The following CFLAR variants were observed in gnomAD, a reference collection of about 807,000 sequenced individuals.
CFLAR encodes CASP8 and FADD-like apoptosis regulator.
In CFLAR, 14 loss-of-function variants were observed where a neutral mutation model predicts 51.1. The observed-to-expected ratio is 0.27, with a 90% CI of 0.18 to 0.43. The LOEUF (loss-of-function observed/expected upper bound fraction) is 0.43. Ranked by LOEUF, CFLAR falls within the 20% of genes least tolerant of loss-of-function variation. The pLI, the probability that CFLAR is intolerant of heterozygous loss-of-function variation, is 1.00. For missense variants in CFLAR, 390 were observed against 566.5 expected (o/e 0.69, Z 3.16); for synonymous variants, 210 against 211.6 (o/e 0.99, Z 0.06).
intron 4 of CFLAR, chr2:201,136,431 C>T: frequency 6.3e-6 from 10 of 1,598,370 alleles, no homozygotes; most frequent in Non-Finnish European, 7.6e-6. Flanking sequence ...ATGCTGAACC[C>T]TACTGCCTTG....
intron 8 of CFLAR, 103 bp downstream of exon 8, chr2:201,149,938 C>A: frequency 1.2e-6 from 1 of 861,280 alleles, no homozygotes. Flanking sequence ...CGTGACAAAC[C>A]AGTTCAAGAA....
intron 9 of CFLAR, chr2:201,163,320 T>G: frequency 5.7e-6 from 7 of 1,229,504 alleles, no homozygotes; most frequent in Non-Finnish European, 7.2e-6. Context: ...ACAATGTACC[T>G]CAAGTATAAG....
chr2:201,134,685 A>AT (rs2049862743), intron 3 of CFLAR, among the ~76,000 whole-genome samples: 4 of 151,148 alleles, frequency 2.6e-5, no homozygotes, highest in Admixed American at 6.6e-5. Flanking sequence ...ATAAAATAAA[A>AT]AAATATAAAA....
chr2:201,134,277 C>T (rs2049783222), intron 3 of CFLAR, among the ~76,000 whole-genome samples: 1 of 151,658 alleles, frequency 6.6e-6, no homozygotes, highest in African/African-American at 2.4e-5. Context: ...CATTGCACTC[C>T]AGCCTGGGCG....
At chr2:201,141,028 C>T (rs1938683155) in intron 5 of CFLAR, among the ~76,000 whole-genome samples, 1 of 151,946 alleles carries the variant, frequency 6.6e-6, no homozygotes, top group African/African-American at 2.4e-5. Flanking sequence ...GTCAGGAGTT[C>T]GAGACTGGCC....
chr2:201,136,400 A>G, intron 4 of CFLAR: 1 of 1,598,430 alleles, frequency 6.3e-7, no homozygotes, highest in Non-Finnish European at 8.5e-7. Context: ...AGAGCTATGG[A>G]CATTCAGGGG....
At chr2:201,125,837 C>G (rs1268453007) in intron 1 of CFLAR, among the ~76,000 whole-genome samples, 1 of 152,132 alleles carries the variant, frequency 6.6e-6, no homozygotes, top group Non-Finnish European at 1.5e-5. Flanking sequence ...TCCTTCGGAA[C>G]TTGCTACTGG....
rs2048745538 is a variant in CFLAR at position 201,126,661 on chromosome 2, C to A, written c.-137-3068C>A. Among the ~76,000 whole-genome samples, 2 of 152,218 alleles carry A rather than the reference C, an allele frequency of 1.3e-5. 1 individual carries two copies. Among genetic ancestry groups the A allele is most frequent in the Admixed American group, 1.3e-4 (2 of 15,288 alleles). On this transcript the variant is annotated intron_variant, in intron 1 of 9. Coordinates refer to ENST00000309955, the MANE Select transcript of CFLAR (RefSeq NM_003879.7). ...GTTCTAGTGGCAGCCTCCTGATCCT[C>A]ACTTCCCTGGCTGAGGCAAGGTTGT...
rs914821806 is a variant in CFLAR at position 201,165,445 on chromosome 2, AT to A, written c.*1477del. 6.6e-5 allele frequency: 10 copies of A among 151,406 alleles called. No homozygotes were observed. The highest frequency in any genetic ancestry group is 1.2e-4 in the Non-Finnish European group (8 of 67,902). The allele number at this position is 151,406 out of a possible 1,614,324, so 9.4% of individuals were successfully genotyped here. On this transcript the variant is annotated 3_prime_UTR_variant, in exon 10 of 10. Coordinates refer to ENST00000309955, the MANE Select transcript of CFLAR (RefSeq NM_003879.7). Reference sequence around the variant, plus strand: ...GCCACCACACCCGGCTAATTTTTGTATTTTTAGTGGAGACAGGGTTTCCACC... The same window carrying A: ...GCCACCACACCCGGCTAATTTTTGTATTTTAGTGGAGACAGGGTTTCCACC...
chr2:201,141,670 A>T, intron 5 of CFLAR: 1 of 1,218,182 alleles, frequency 8.2e-7, no homozygotes, highest in Non-Finnish European at 1.0e-6. Context: ...GAGTGATGAA[A>T]CAAAAGATTT....
chr2:201,145,033 A>G (rs2125817090), intron 5 of CFLAR, among the ~76,000 whole-genome samples: 1 of 152,128 alleles, frequency 6.6e-6, no homozygotes, highest in African/African-American at 2.4e-5. Context: ...TTGTATTTTT[A>G]GTAGAGATGG....
At chr2:201,136,295 A>G (rs1165680032) in intron 4 of CFLAR, 188 bp downstream of exon 4, 1 of 1,599,342 alleles carries the variant, frequency 6.3e-7, no homozygotes, top group South Asian at 1.1e-5. Flanking sequence ...TGCCAACTCC[A>G]TTGCCCTGTA....
At position 201,138,604 on chromosome 2, in the gene CFLAR, T is replaced by C. The variant is rs2050483563; in HGVS notation, c.524-1753T>C. The C allele has an allele frequency of 5.7e-6, 9 of 1,588,672 alleles. No homozygotes were observed. In the East Asian group the frequency reaches 2.0e-4, roughly 35 times the overall value. ...GAGGTGACGATGCCCACCAGCTTGC[T>C]GCCCATGGTACCCGTCTCAGTGATG... On this transcript the variant is annotated intron_variant, in intron 4 of 9. Coordinates refer to ENST00000309955, the MANE Select transcript of CFLAR (RefSeq NM_003879.7). The surrounding 1 kb of genome is among the most constrained non-coding windows in gnomAD (Gnocchi z 4.0).
In CFLAR at chr2:201,160,586, A is replaced by G; in HGVS notation, c.948A>G (p.Gly316=). 2 of 1,613,840 alleles carry G rather than the reference A, an allele frequency of 1.2e-6. No individual in the cohort carries two copies. The highest frequency in any genetic ancestry group is 1.7e-6 in the Non-Finnish European group (2 of 1,179,968). Residue 316 remains glycine (G), a synonymous_variant, in exon 9 of 10, where the codon GGA becomes GGG. Coordinates refer to ENST00000309955, the MANE Select transcript of CFLAR (RefSeq NM_003879.7). Reference sequence around the variant, plus strand: ...TTGTGTGTGTCCTGGTGAGCCGAGGAGGCTCCCAGAGTGTGTATGGTGTGG... The same window carrying G: ...TTGTGTGTGTCCTGGTGAGCCGAGGGGGCTCCCAGAGTGTGTATGGTGTGG... The part of the protein sequence containing the change: ...DSFVCVLVSR[G]GSQSVYGVDQ...
intron 8 of CFLAR, chr2:201,154,228 A>C (rs754772569): frequency 1.0e-5 from 2 of 191,152 alleles, no homozygotes; most frequent in Non-Finnish European, 2.2e-5. Flanking sequence ...AGTAACTGGG[A>C]TTACAGGCAT....
Position 201,167,419 on chromosome 2 carries a change from C to T in CFLAR, c.*3446C>T, listed in dbSNP as rs572159409. 1 of 152,268 alleles carries T rather than the reference C, an allele frequency of 6.6e-6. No individual in the cohort carries two copies. The highest frequency in any genetic ancestry group is 2.4e-5 in the African/African-American group (1 of 41,504). The allele number at this position is 152,268 out of a possible 1,614,324, so 9.4% of individuals were successfully genotyped here. On this transcript the variant is annotated 3_prime_UTR_variant, in exon 10 of 10. Transcript: ENST00000309955. ...ACTTGGGAGGCTGAAGTGAGTGGATCCCCTGAGCCCAGAGAGGTCAAGGTT... is the reference window on the plus strand; with the variant it reads ...ACTTGGGAGGCTGAAGTGAGTGGATTCCCTGAGCCCAGAGAGGTCAAGGTT...
chr2:201,155,972 C>T (rs565738569), intron 8 of CFLAR, among the ~76,000 whole-genome samples: 3 of 152,078 alleles, frequency 2.0e-5, no homozygotes, highest in South Asian at 2.1e-4. Flanking sequence ...TTTCCCAGGG[C>T]GGTCTTGAAC....
chr2:201,163,998 G>A lies in CFLAR; in HGVS notation c.*25G>A. 1 of 1,598,658 alleles carries A rather than the reference G, an allele frequency of 6.3e-7. No individual in the cohort carries two copies. Among genetic ancestry groups the A allele is most frequent in the Non-Finnish European group, 8.5e-7 (1 of 1,171,210 alleles). ...AGAAACCAAAAGGCTGGGCGTAGTG[G>A]CTCACACCTGTAATCCCAGCACTTT... On this transcript the variant is annotated 3_prime_UTR_variant, in exon 10 of 10. Transcript: ENST00000309955.
intron 5 of CFLAR, among the ~76,000 whole-genome samples, chr2:201,143,759 C>T (rs1386045995): frequency 6.6e-6 from 1 of 151,950 alleles, no homozygotes; most frequent in African/African-American, 2.4e-5. Flanking sequence ...GTCAGGAGTT[C>T]AAGACCAGCC....
Sources: gnomAD v4.1 joint callset for allele counts (sites outside exome capture counted in the v4.1 genomes callset) on GRCh38, gnomAD v4.1.1 for gene constraint, Gnocchi (gnomAD v3.1) non-coding constraint, MANE v1.5 for transcripts, NCBI Gene and HGNC (gene_info 2026-07-23, HGNC 2026-07-21) for gene names.